Variants in CNTNAP5 observed in about 807,000 individuals in gnomAD.
CNTNAP5 encodes contactin-associated protein-like 5.
A neutral mutation model predicts 150.2 loss-of-function variants in CNTNAP5; 72 were observed. The observed-to-expected ratio is 0.48, with a 90% CI of 0.40 to 0.58. The LOEUF is 0.58. Ranked by LOEUF, CNTNAP5 falls within the 20% of genes least tolerant of loss-of-function variation. The pLI, the probability that CNTNAP5 is intolerant of heterozygous loss-of-function variation, is 0.00. For synonymous variants in CNTNAP5, 672 were observed against 619.8 expected (o/e 1.08, Z -1.25); for missense variants, 1,636 against 1,626.2 (o/e 1.01, Z -0.10).
At chr2:124,442,638 C>G (rs1364045917) in intron 5 of CNTNAP5, among the ~76,000 whole-genome samples, 3 of 151,966 alleles carry the variant, frequency 2.0e-5, no homozygotes, top group Non-Finnish European at 4.4e-5. Flanking sequence ...AACTATTATA[C>G]AAATCCAGAA....
intron 3 of CNTNAP5, among the ~76,000 whole-genome samples, chr2:124,363,744 G>A (rs573839724): frequency 1.3e-5 from 2 of 152,230 alleles, no homozygotes; most frequent in South Asian, 2.1e-4. Flanking sequence ...CAAAACCTTC[G>A]GAAGTAGGTG....
intron 20 of CNTNAP5, among the ~76,000 whole-genome samples, chr2:124,869,391 G>A (rs891575162): frequency 6.6e-6 from 1 of 152,152 alleles, no homozygotes. Flanking sequence ...AGAATTTGGT[G>A]AGAAAATCTC....
intron 3 of CNTNAP5, among the ~76,000 whole-genome samples, chr2:124,351,241 A>G (rs1284190747): frequency 6.6e-6 from 1 of 152,206 alleles, no homozygotes; most frequent in Non-Finnish European, 1.5e-5. Context: ...GACCCCTGAG[A>G]GTGACCTGAT....
At position 124,625,380 on chromosome 2, in the gene CNTNAP5, G is replaced by T. The variant is rs188318925; in HGVS notation, c.1876+15460G>T. 5.3e-5 allele frequency among the ~76,000 whole-genome samples: 8 copies of T among 152,242 alleles called. 1 individual carries two copies. The East Asian group carries it at 1.5e-3, about 29-fold the overall frequency. ...ATGAGCTGGGATGAACATTTAAGAC[G>T]CTATTTTCTAGGCCTATTCCCAGCA... On this transcript the variant is annotated intron_variant, in intron 12 of 23. Coordinates refer to ENST00000682447, the MANE Select transcript of CNTNAP5 (RefSeq NM_001367498.1).
At chr2:124,325,055 A>G (rs533763096) in intron 3 of CNTNAP5, among the ~76,000 whole-genome samples, 2 of 152,198 alleles carry the variant, frequency 1.3e-5, no homozygotes, top group Admixed American at 6.5e-5. Flanking sequence ...CACAACATTC[A>G]TATGTTGAAA....
chr2:124,025,665 A>T lies in CNTNAP5; in HGVS notation c.15A>T (p.Pro5=). Residue 5 remains proline (P), a synonymous_variant, in exon 1 of 24, where the codon CCA becomes CCT. Transcript: ENST00000682447. MDSL[P]RLTSVLTLLF... is the part of the protein sequence containing the mutation. ...ACTCGGGGGAAATGGATTCTTTACC[A>T]CGGCTGACCAGCGTTTTGACTTTGC... 3 of 1,613,802 alleles carry T rather than the reference A, an allele frequency of 1.9e-6. No homozygotes were observed. The highest frequency in any genetic ancestry group is 2.5e-6 in the Non-Finnish European group (3 of 1,179,862).
intron 4 of CNTNAP5, among the ~76,000 whole-genome samples, chr2:124,419,896 T>TCTTTC (rs1553466615): frequency 2.3e-5 from 2 of 85,198 alleles, no homozygotes; most frequent in Non-Finnish European, 4.5e-5. Flanking sequence ...ACTGGATTGG[T>TCTTTC]TTTCTTTCTT....
At position 124,348,423 on chromosome 2, in the gene CNTNAP5, G is replaced by A. The variant is rs961401238; in HGVS notation, c.382-69020G>A. Reference sequence around the variant, plus strand: ...TCTAAACTTAGGGAAAAAACTTTCTGTCTCTCACTATTAAGTATGTTGTTA... The same window carrying A: ...TCTAAACTTAGGGAAAAAACTTTCTATCTCTCACTATTAAGTATGTTGTTA... On this transcript the variant is annotated intron_variant, in intron 3 of 23. Transcript: ENST00000682447. Among the ~76,000 whole-genome samples, 5 of 152,238 alleles carry A rather than the reference G, an allele frequency of 3.3e-5. No individual in the cohort carries two copies. The South Asian group carries it at 1.0e-3, about 32-fold the overall frequency.
At chr2:124,280,181 CA>C (rs1034785487) in intron 3 of CNTNAP5, among the ~76,000 whole-genome samples, 37 of 151,426 alleles carry the variant, frequency 2.4e-4, no homozygotes, top group Admixed American at 5.9e-4. Context: ...TATATATATA[CA>C]TTTTTTTTTA....
At chr2:124,773,633 T>C (rs546867435) in intron 17 of CNTNAP5, among the ~76,000 whole-genome samples, 1 of 152,276 alleles carries the variant, frequency 6.6e-6, no homozygotes, top group Admixed American at 6.5e-5. Flanking sequence ...CCTTCTTTAG[T>C]CATTCCTCAC....
At chr2:124,156,654 C>T (rs990397158) in intron 1 of CNTNAP5, among the ~76,000 whole-genome samples, 1 of 152,134 alleles carries the variant, frequency 6.6e-6, no homozygotes, top group Non-Finnish European at 1.5e-5. Flanking sequence ...CGCCACCATA[C>T]CTGGCTAATT....
Position 124,025,313 on chromosome 2 carries a change from TGG to T in CNTNAP5, c.-337_-336del. On this transcript the variant is annotated 5_prime_UTR_variant, in exon 1 of 24. Transcript: ENST00000682447. ...ATTCCAGCTCTCGCGCCCGACGAGG[TGG>T]ATTTGGCTGTCCACCGAGCTCCGGC... 1.1e-5 allele frequency: 3 copies of T among 264,286 alleles called. No homozygotes were observed. Among genetic ancestry groups the T allele is most frequent in the Non-Finnish European group, 2.3e-5 (3 of 133,172 alleles). The allele number at this position is 264,286 out of a possible 1,614,324, so 16.4% of individuals were successfully genotyped here. A position where few individuals can be genotyped will look rare whatever the true frequency, so the allele number is the denominator to read the frequency against.
At chr2:124,634,969 A>G (rs1327701273) in intron 12 of CNTNAP5, among the ~76,000 whole-genome samples, 1 of 152,164 alleles carries the variant, frequency 6.6e-6, no homozygotes, top group Non-Finnish European at 1.5e-5. Context: ...ATATCTGCTG[A>G]TTACCCAATT....
intron 3 of CNTNAP5, among the ~76,000 whole-genome samples, chr2:124,271,627 A>G (rs375090773): frequency 1.3e-4 from 19 of 151,852 alleles, no homozygotes; most frequent in African/African-American, 3.9e-4. Flanking sequence ...GAAAAGATAC[A>G]GCTTTAATTT....
chr2:124,063,952 C>G (rs1682083231), intron 1 of CNTNAP5, among the ~76,000 whole-genome samples: 1 of 152,140 alleles, frequency 6.6e-6, no homozygotes, highest in Admixed American at 6.6e-5. Flanking sequence ...AAAGAGAAGT[C>G]AGGCACTTTC....
chr2:124,768,336 C>T (rs894254716), intron 16 of CNTNAP5, among the ~76,000 whole-genome samples: 2 of 143,912 alleles, frequency 1.4e-5, no homozygotes, highest in Non-Finnish European at 3.1e-5. Flanking sequence ...TATATATTTA[C>T]TGTATAAATA....
chr2:124,390,179 C>G (rs1188923783), intron 3 of CNTNAP5, among the ~76,000 whole-genome samples: 1 of 152,136 alleles, frequency 6.6e-6, no homozygotes, highest in African/African-American at 2.4e-5. Flanking sequence ...CTCCCTGGCT[C>G]TAGATAATCC....
intron 3 of CNTNAP5, among the ~76,000 whole-genome samples, chr2:124,282,633 T>TG (rs1478338382): frequency 3.3e-5 from 5 of 151,842 alleles, no homozygotes; most frequent in Admixed American, 1.3e-4. Context: ...TTTTTTTTTT[T>TG]GCATGAATGT....
intron 13 of CNTNAP5, among the ~76,000 whole-genome samples, chr2:124,662,431 T>A (rs796097309): frequency 6.6e-6 from 1 of 152,360 alleles, no homozygotes; most frequent in African/African-American, 2.4e-5. Flanking sequence ...GCCACCCTTG[T>A]ACATGAGATC....
Sources: gnomAD v4.1 joint callset for allele counts (sites outside exome capture counted in the v4.1 genomes callset) on GRCh38, gnomAD v4.1.1 for gene constraint, MANE v1.5 for transcripts, NCBI Gene and HGNC (gene_info 2026-07-23, HGNC 2026-07-21) for gene names.